The following PCDHA2 variants were observed in gnomAD, a reference collection of about 807,000 sequenced individuals.
PCDHA2 encodes protocadherin alpha-2.
PCDHA2 carries 58 observed loss-of-function variants against 66.0 expected under a neutral mutation model. The ratio of observed to expected loss-of-function variants is 0.88; its 90% confidence interval spans 0.71 to 1.09. The LOEUF is 1.09. Among genes scored for constraint, PCDHA2 ranks in the 50% least tolerant of loss-of-function variants. The probability of loss-of-function intolerance (pLI) is 0.00; values close to 1 mark genes in which losing one functional copy is unlikely to be tolerated. For missense variants in PCDHA2, 1,267 were observed against 1,242.3 expected (o/e 1.02, Z -0.30); for synonymous variants, 634 against 554.0 (o/e 1.14, Z -2.03).
Position 140,830,132 on chromosome 5 carries a change from C to T in PCDHA2, c.2388+32780C>T, listed in dbSNP as rs116757950. The T allele has an allele frequency of 1.9e-3, 3,075 of 1,613,350 alleles. 56 individuals carry two copies. In the African/African-American group the frequency reaches 0.036, roughly 19 times the overall value. On this transcript the variant is annotated intron_variant, in intron 1 of 3. Coordinates refer to ENST00000526136, the MANE Select transcript of PCDHA2 (RefSeq NM_018905.3). ...TGGCCAGGCTCCAAAGGCGTCATCACGGGCGTCGGTGGGCGCCGCGGGCCC... is the reference window on the plus strand; with the variant it reads ...TGGCCAGGCTCCAAAGGCGTCATCATGGGCGTCGGTGGGCGCCGCGGGCCC...
chr5:140,823,125 C>A lies in PCDHA2; in HGVS notation c.2388+25773C>A, dbSNP rs2150122536. 13 of 1,614,046 alleles carry A rather than the reference C, an allele frequency of 8.1e-6. 1 individual carries two copies. The South Asian group carries it at 9.9e-5, about 12-fold the overall frequency. ...TGGAAGTGGCCGACGTGAACGACAA[C>A]GCTCCGGCGTTCGCGCAGCCCCAGT... is the stretch of plus-strand genomic sequence containing the variant. On this transcript the variant is annotated intron_variant, in intron 1 of 3. Transcript: ENST00000526136.
rs1554119610 is a variant in PCDHA2 at position 140,795,887 on chromosome 5, T to G, written c.923T>G (p.Leu308Ter). 17 of 1,613,926 alleles carry G rather than the reference T, an allele frequency of 1.1e-5. No individual in the cohort carries two copies. The highest frequency in any genetic ancestry group is 1.4e-5 in the Non-Finnish European group (17 of 1,179,970). ...ISGEIRTKGK[L>*]DYEEAKSYEI... is the part of the protein sequence containing the mutation. Reference sequence around the variant, plus strand: ...GGGGAAATCAGAACTAAGGGAAAATTAGATTATGAAGAAGCAAAGTCCTAC... The same window carrying G: ...GGGGAAATCAGAACTAAGGGAAAATGAGATTATGAAGAAGCAAAGTCCTAC... The change falls in exon 1 of 4, where the codon TTA becomes TGA. Residue 308 changes from leucine to a stop codon, truncating the protein, a stop_gained. Coordinates refer to ENST00000526136, the MANE Select transcript of PCDHA2 (RefSeq NM_018905.3). LOFTEE classifies it high-confidence loss of function.
In PCDHA2 at chr5:140,797,044, G is replaced by A. The variant is rs145817011; in HGVS notation, c.2080G>A (p.Val694Met). 4,401 of 1,613,772 alleles carry A rather than the reference G, an allele frequency of 2.7e-3. 15 individuals are homozygous for A. Among genetic ancestry groups the A allele is most frequent in the Non-Finnish European group, 3.5e-3 (4,107 of 1,179,970 alleles). Residue 694 changes from valine to methionine, a missense_variant, in exon 1 of 4, where the codon GTG (valine) becomes ATG (methionine). Transcript: ENST00000526136. ...VGAAGSEATL[V>M]DVNVYLIIAI... is the part of the protein sequence containing the mutation. ...CGCCGCGGGCTCAGAGGCTACGCTGGTGGATGTCAACGTGTACCTGATCAT... is the reference window on the plus strand; with the variant it reads ...CGCCGCGGGCTCAGAGGCTACGCTGATGGATGTCAACGTGTACCTGATCAT...
In PCDHA2 at chr5:140,869,539, A is replaced by G. The variant is rs782023058; in HGVS notation, c.2388+72187A>G. The G allele has an allele frequency of 2.5e-6, 4 of 1,614,088 alleles. No homozygotes were observed. The South Asian group carries it at 3.3e-5, about 13-fold the overall frequency. On this transcript the variant is annotated intron_variant, in intron 1 of 3. Coordinates refer to ENST00000526136, the MANE Select transcript of PCDHA2 (RefSeq NM_018905.3). ...ACAAAAGCTGCTGATTGCGGAATCT[A>G]AGCAATCGGACTCGCGTTTTCCACT...
At chr5:140,924,096 T>A (rs1044149112) in intron 1 of PCDHA2, among the ~76,000 whole-genome samples, 1 of 152,222 alleles carries the variant, frequency 6.6e-6, no homozygotes, top group Non-Finnish European at 1.5e-5. Flanking sequence ...AAAGAATAAA[T>A]TTTCATTCCA....
intron 3 of PCDHA2, among the ~76,000 whole-genome samples, chr5:140,985,006 C>T (rs892412151): frequency 1.3e-5 from 2 of 151,922 alleles, no homozygotes; most frequent in South Asian, 2.1e-4. Context: ...GGCACGATAT[C>T]GGCTCACAGC....
chr5:140,820,046 A>G (rs1554127780), intron 1 of PCDHA2, among the ~76,000 whole-genome samples: 1 of 151,978 alleles, frequency 6.6e-6, no homozygotes, highest in Non-Finnish European at 1.5e-5. Flanking sequence ...ATTTACTGTT[A>G]TATAATAGAA....
intron 1 of PCDHA2, chr5:140,829,415 T>C: frequency 6.2e-7 from 1 of 1,614,082 alleles, no homozygotes; most frequent in South Asian, 1.1e-5. Flanking sequence ...CGCCAGCTTG[T>C]CTGTGGAGGT....
intron 1 of PCDHA2, among the ~76,000 whole-genome samples, chr5:140,895,670 G>C (rs551602030): frequency 3.9e-5 from 6 of 152,250 alleles, no homozygotes; most frequent in Non-Finnish European, 8.8e-5. Context: ...AGAACATGTA[G>C]TATTTGGTTT....
intron 1 of PCDHA2, among the ~76,000 whole-genome samples, chr5:140,970,888 A>G (rs1452967166): frequency 6.6e-6 from 1 of 152,154 alleles, no homozygotes; most frequent in Non-Finnish European, 1.5e-5. Flanking sequence ...TTTCTCATGG[A>G]CATTTCAGAT....
rs548005037 is a variant in PCDHA2, at chr5:140,798,879, T to C, written c.2388+1527T>C. On this transcript the variant is annotated intron_variant, in intron 1 of 3. Transcript: ENST00000526136. ...CGGTCCTCTACTATTTAGTTCTTAG[T>C]TATTTGCTGTTTATTCTAAATATAT... Among the ~76,000 whole-genome samples the C allele has an allele frequency of 1.9e-4, 29 of 152,340 alleles. No homozygotes were observed. In the East Asian group the frequency reaches 3.7e-3, roughly 19 times the overall value.
At chr5:140,897,154 T>C (rs530327361) in intron 1 of PCDHA2, among the ~76,000 whole-genome samples, 1 of 152,332 alleles carries the variant, frequency 6.6e-6, no homozygotes, top group African/African-American at 2.4e-5. Context: ...TTAACCATTC[T>C]TCTACTGTCT....
At chr5:140,820,606 G>A (rs2150107398) in intron 1 of PCDHA2, among the ~76,000 whole-genome samples, 2 of 151,906 alleles carry the variant, frequency 1.3e-5, no homozygotes, top group Admixed American at 6.6e-5. Flanking sequence ...TTTCTAGGTC[G>A]TGTTCAAATC....
At chr5:140,847,029 A>T (rs1780820329) in intron 1 of PCDHA2, among the ~76,000 whole-genome samples, 1 of 149,824 alleles carries the variant, frequency 6.7e-6, no homozygotes, top group African/African-American at 2.4e-5. Context: ...TTGGAAAGAG[A>T]AAACATAAGG....
intron 1 of PCDHA2, among the ~76,000 whole-genome samples, chr5:140,939,679 T>A (rs2092435989): frequency 6.6e-6 from 1 of 152,196 alleles, no homozygotes; most frequent in South Asian, 2.1e-4. Context: ...TGTATGTATG[T>A]GTGTGTTGCT....
intron 3 of PCDHA2, among the ~76,000 whole-genome samples, chr5:140,993,183 A>C (rs551464442): frequency 2.7e-4 from 41 of 152,298 alleles, no homozygotes; most frequent in Non-Finnish European, 5.0e-4. Flanking sequence ...ATTTCTTTAG[A>C]GGGAAACTCA....
At chr5:140,949,181 A>G (rs2094350223) in intron 1 of PCDHA2, among the ~76,000 whole-genome samples, 2 of 151,604 alleles carry the variant, frequency 1.3e-5, no homozygotes, top group Non-Finnish European at 3.0e-5. Context: ...CAGAGAACAT[A>G]CTCTGCATGA....
rs901353156 is a variant in PCDHA2, at chr5:140,796,293, C to A, written c.1329C>A (p.Ile443=). The change falls in exon 1 of 4, where the codon ATC becomes ATA. Residue 443 remains isoleucine, a synonymous_variant. Coordinates refer to ENST00000526136, the MANE Select transcript of PCDHA2 (RefSeq NM_018905.3). ...TGTGGGCCACCACCAGCGTGTCCATCGAGGTGGCCGACGTGAACGACAACG... is the reference window on the plus strand; with the variant it reads ...TGTGGGCCACCACCAGCGTGTCCATAGAGGTGGCCGACGTGAACGACAACG... ...PSLWATTSVS[I]EVADVNDNAP... is the part of the protein sequence containing the mutation. The A allele has an allele frequency of 1.9e-5, 31 of 1,614,016 alleles. No individual in the cohort carries two copies. Among genetic ancestry groups the A allele is most frequent in the Non-Finnish European group, 2.2e-5 (26 of 1,180,044 alleles).
chr5:140,816,140 G>C (rs1274988778), intron 1 of PCDHA2: 2 of 152,092 alleles, frequency 1.3e-5, no homozygotes, highest in East Asian at 3.8e-4. Flanking sequence ...ATAATGAGTA[G>C]AGCAGCCTGC....
Sources: gnomAD v4.1 joint callset for allele counts (sites outside exome capture counted in the v4.1 genomes callset) on GRCh38, gnomAD v4.1.1 for gene constraint, MANE v1.5 for transcripts, NCBI Gene and HGNC (gene_info 2026-07-23, HGNC 2026-07-21) for gene names.